Variants in BTBD8 observed in about 807,000 individuals in gnomAD.
BTBD8 encodes the protein BTB/POZ domain-containing protein 8.
Under a neutral mutation model 162.9 loss-of-function variants are expected in BTBD8, and 110 were observed. The observed-to-expected ratio is 0.68, with a 90% CI of 0.58 to 0.79. The LOEUF (loss-of-function observed/expected upper bound fraction) is 0.79. Among genes scored for constraint, BTBD8 ranks in the 30% least tolerant of loss-of-function variants. The pLI is 0.00. For synonymous variants in BTBD8, 667 were observed against 716.1 expected (o/e 0.93, Z 1.10); for missense variants, 1,905 against 2,085.4 (o/e 0.91, Z 1.68).
chr1:92,135,058 A>AT (rs1221957425), intron 5 of BTBD8, among the ~76,000 whole-genome samples: 2 of 150,854 alleles, frequency 1.3e-5, no homozygotes, highest in Admixed American at 6.6e-5. Flanking sequence ...TGCCTGGCTA[A>AT]TTTTATATTT....
chr1:92,171,251 A>G (rs1650534847), intron 12 of BTBD8, 148 bp from the exon 13 acceptor site: 3 of 472,582 alleles, frequency 6.3e-6, no homozygotes. Context: ...TATAATAGGG[A>G]GTTGTTTTGT....
Position 92,181,485 on chromosome 1 carries a change from G to A in BTBD8, c.3802G>A (p.Asp1268Asn). Reference sequence around the variant, plus strand: ...CGATGACATAAAGCCCAGATCTGAAGACTATGATGCTGGAGGGTCTCAGGA... The same window carrying A: ...CGATGACATAAAGCCCAGATCTGAAAACTATGATGCTGGAGGGTCTCAGGA... The part of the protein sequence containing the change: ...SSDDIKPRSE[D>N]YDAGGSQDDD... Residue 1268 changes from aspartate (D) to asparagine (N), a missense_variant, in exon 17 of 18, where the codon GAC becomes AAC. Physicochemically the swap from Asp to Asn is conservative, Grantham distance 23. Coordinates refer to ENST00000636805, the MANE Select transcript of BTBD8 (RefSeq NM_001376131.1). 1 of 1,551,774 alleles carries A rather than the reference G, an allele frequency of 6.4e-7. No homozygotes were observed. The highest frequency in any genetic ancestry group is 2.4e-5 in the East Asian group (1 of 40,916).
intron 13 of BTBD8, among the ~76,000 whole-genome samples, chr1:92,171,929 A>G (rs777631238): frequency 3.3e-5 from 5 of 152,110 alleles, no homozygotes; most frequent in Non-Finnish European, 7.4e-5. Flanking sequence ...CATCTTTACT[A>G]AATACACAAA....
At chr1:92,082,530 G>A (rs1008091873) in intron 1 of BTBD8, among the ~76,000 whole-genome samples, 1 of 152,164 alleles carries the variant, frequency 6.6e-6, no homozygotes, top group African/African-American at 2.4e-5. Flanking sequence ...GTTAAGAATT[G>A]ATTAGGTAAA....
intron 9 of BTBD8, among the ~76,000 whole-genome samples, chr1:92,155,417 AT>A: frequency 6.6e-6 from 1 of 151,682 alleles, no homozygotes; most frequent in Non-Finnish European, 1.5e-5. Context: ...GTCTTCTTTC[AT>A]TTCTTTTTAA....
At chr1:92,110,836 C>T (rs1371732438) in intron 4 of BTBD8, among the ~76,000 whole-genome samples, 3 of 152,108 alleles carry the variant, frequency 2.0e-5, no homozygotes, top group Non-Finnish European at 4.4e-5. Flanking sequence ...AGCTACCGCA[C>T]CTGGCTGCTG....
At chr1:92,176,766 C>A in intron 13 of BTBD8, 63 bp from the exon 14 acceptor site, 1 of 816,446 alleles carries the variant, frequency 1.2e-6, no homozygotes, top group Non-Finnish European at 1.8e-6. Flanking sequence ...CTTTTGGAAA[C>A]ATAAAATATT....
intron 4 of BTBD8, among the ~76,000 whole-genome samples, chr1:92,113,762 C>T (rs1440247062): frequency 6.6e-6 from 1 of 151,850 alleles, no homozygotes; most frequent in Non-Finnish European, 1.5e-5. Flanking sequence ...CCTGTAATCC[C>T]AGCACTTTGG....
chr1:92,181,406 T>A lies in BTBD8; in HGVS notation c.3723T>A (p.Val1241=). 6.4e-7 allele frequency: 1 copy of A among 1,551,680 alleles called. No individual in the cohort carries two copies. Among genetic ancestry groups the A allele is most frequent in the Non-Finnish European group, 8.7e-7 (1 of 1,146,978 alleles). The change falls in exon 17 of 18, where the codon GTT becomes GTA. Residue 1241 remains valine (V), a synonymous_variant. Transcript: ENST00000636805. ...GTCACTGGAATTTGAGTACTGGTGTTCTGCATCAGCGAGAGAGTCCTGAAT... is the reference window on the plus strand; with the variant it reads ...GTCACTGGAATTTGAGTACTGGTGTACTGCATCAGCGAGAGAGTCCTGAAT... ...FVGHWNLSTG[V]LHQRESPESD... is the part of the protein sequence containing the mutation.
At chr1:92,144,442 A>C (rs1383309351) in intron 7 of BTBD8, among the ~76,000 whole-genome samples, 1 of 151,990 alleles carries the variant, frequency 6.6e-6, no homozygotes, top group African/African-American at 2.4e-5. Flanking sequence ...CCTTTTACAC[A>C]ATTAAACATT....
intron 9 of BTBD8, among the ~76,000 whole-genome samples, chr1:92,151,932 T>C (rs1650055115): frequency 6.6e-6 from 1 of 152,222 alleles, no homozygotes; most frequent in Non-Finnish European, 1.5e-5. Flanking sequence ...ACATTTTCTT[T>C]ATCCACTCAG....
chr1:92,147,767 A>G lies in BTBD8; in HGVS notation c.1103A>G (p.Asn368Ser). 1 of 1,613,356 alleles carries G rather than the reference A, an allele frequency of 6.2e-7. No homozygotes were observed. Among genetic ancestry groups the G allele is most frequent in the Non-Finnish European group, 8.5e-7 (1 of 1,179,654 alleles). ...IPPEIQKSCL[N>S]MLIQSLNDKN... ...CCTGAGATTCAGAAAAGTTGTCTTA[A>G]TATGTTGATTCAGTCCTTAGTAAGT... Residue 368 changes from asparagine to serine, a missense_variant, in exon 9 of 18, where the codon AAT (asparagine) becomes AGT (serine). Physicochemically the swap from Asn to Ser is conservative, Grantham distance 46. Around this residue, in one of 3 missense-constraint regions of BTBD8, gnomAD observed 1,374 missense variants for 1,442.7 expected, o/e 0.95. Transcript: ENST00000636805.
At chr1:92,105,450 C>T (rs1648701893) in intron 3 of BTBD8, among the ~76,000 whole-genome samples, 1 of 151,242 alleles carries the variant, frequency 6.6e-6, no homozygotes, top group Admixed American at 6.6e-5. Context: ...ATGAGGTTTC[C>T]CTGCGTTGCC....
intron 5 of BTBD8, among the ~76,000 whole-genome samples, chr1:92,132,580 TC>T (rs1277144179): frequency 6.6e-6 from 1 of 152,208 alleles, no homozygotes; most frequent in Non-Finnish European, 1.5e-5. Flanking sequence ...AGTAGCTTGT[TC>T]AAGGGAAAGC....
At chr1:92,124,312 T>G (rs1376270506) in intron 4 of BTBD8, among the ~76,000 whole-genome samples, 1 of 152,238 alleles carries the variant, frequency 6.6e-6, no homozygotes, top group African/African-American at 2.4e-5. Context: ...TTTCCTAAGC[T>G]GCTTTCAGCA....
chr1:92,115,070 C>A (rs768341691), intron 4 of BTBD8: 18 of 403,752 alleles, frequency 4.5e-5, no homozygotes, highest in Middle Eastern at 8.4e-4. Flanking sequence ...GAGAGCAGGT[C>A]AGGTTCATGA....
rs1252266540 is a variant in BTBD8 at position 92,080,544 on chromosome 1, C to T, written c.-28C>T. ...GGGGCAAGTGAGGCCAAGTACTGGGCCTCCAGGGCGTCGTACCTCTGTGAG... is the reference window on the plus strand; with the variant it reads ...GGGGCAAGTGAGGCCAAGTACTGGGTCTCCAGGGCGTCGTACCTCTGTGAG... On this transcript the variant is annotated 5_prime_UTR_variant, in exon 1 of 18. Coordinates refer to ENST00000636805, the MANE Select transcript of BTBD8 (RefSeq NM_001376131.1). The T allele has an allele frequency of 6.2e-7, 1 of 1,611,350 alleles. No individual in the cohort carries two copies. Among genetic ancestry groups the T allele is most frequent in the Admixed American group, 1.7e-5 (1 of 59,458 alleles).
chr1:92,172,260 CT>C (rs1410379568), intron 13 of BTBD8, among the ~76,000 whole-genome samples: 1 of 151,994 alleles, frequency 6.6e-6, no homozygotes, highest in African/African-American at 2.4e-5. Context: ...TTGCTGAAAA[CT>C]AGAGGGAGGG....
intron 7 of BTBD8, among the ~76,000 whole-genome samples, 165 bp from the exon 8 acceptor site, chr1:92,147,015 C>T (rs986882612): frequency 1.3e-5 from 2 of 152,012 alleles, no homozygotes; most frequent in African/African-American, 4.8e-5. Flanking sequence ...GAAGTTAATT[C>T]CAGATAAAGA....
Sources: allele counts gnomAD v4.1 joint callset (sites outside exome capture counted in the v4.1 genomes callset), GRCh38; gene constraint gnomAD v4.1.1; regional missense constraint gnomAD v4.1.1; transcripts MANE v1.5; gene names NCBI Gene and HGNC (gene_info 2026-07-23, HGNC 2026-07-21).